AGBL4: variants seen among roughly 807,000 people sequenced by gnomAD.
AGBL4 encodes AGBL carboxypeptidase 4.
AGBL4 carries 58 observed loss-of-function variants against 66.4 expected under a neutral mutation model. The observed-to-expected ratio is 0.87, with a 90% CI of 0.71 to 1.09. AGBL4 has a LOEUF of 1.09. AGBL4 is among the 50% of genes least tolerant of loss of function. AGBL4 has a pLI of 0.00. For missense variants in AGBL4, 579 were observed against 631.0 expected (o/e 0.92, Z 0.88); for synonymous variants, 234 against 222.9 (o/e 1.05, Z -0.44).
At chr1:49,457,873 T>C (rs1646424917) in intron 3 of AGBL4, among the ~76,000 whole-genome samples, 1 of 151,778 alleles carries the variant, frequency 6.6e-6, no homozygotes, top group African/African-American at 2.4e-5. Context: ...TGACGGTAAG[T>C]ATTTGGTTTT....
intron 6 of AGBL4, among the ~76,000 whole-genome samples, chr1:48,774,152 T>C (rs1644966332): frequency 6.6e-6 from 1 of 152,198 alleles, no homozygotes; most frequent in Non-Finnish European, 1.5e-5. Flanking sequence ...GTCAGAGAGA[T>C]TAATTAATCA....
intron 3 of AGBL4, among the ~76,000 whole-genome samples, chr1:49,420,636 G>A (rs1326797335): frequency 1.3e-5 from 2 of 150,820 alleles, no homozygotes; most frequent in Admixed American, 1.3e-4. Flanking sequence ...AGGAAGTAGA[G>A]CTTGCCGTGA....
chr1:49,714,862 A>G (rs1304717657), intron 2 of AGBL4, among the ~76,000 whole-genome samples: 1 of 151,992 alleles, frequency 6.6e-6, no homozygotes, highest in East Asian at 1.9e-4. Context: ...ACTGTTTTCC[A>G]TAGAGATTGC....
At chr1:49,866,306 A>C (rs952453703) in intron 1 of AGBL4, among the ~76,000 whole-genome samples, 4 of 152,120 alleles carry the variant, frequency 2.6e-5, no homozygotes, top group Non-Finnish European at 5.9e-5. Flanking sequence ...ACACATAATC[A>C]TCAGATTCTC....
intron 4 of AGBL4, among the ~76,000 whole-genome samples, chr1:49,059,810 C>T (rs901799284): frequency 3.9e-5 from 6 of 152,148 alleles, no homozygotes; most frequent in Admixed American, 1.3e-4. Context: ...TGACGACCGA[C>T]CCTATTGGAT....
At chr1:48,526,224 A>G in the AGBL4 span, among the ~76,000 whole-genome samples, 2 of 152,146 alleles carry the variant, frequency 1.3e-5, no homozygotes, top group Non-Finnish European at 2.9e-5. Flanking sequence ...TATTTATTGT[A>G]TTGTCAGTCT....
intron 6 of AGBL4, among the ~76,000 whole-genome samples, chr1:48,765,978 G>A (rs1041909004): frequency 6.6e-6 from 1 of 152,120 alleles, no homozygotes; most frequent in African/African-American, 2.4e-5. Flanking sequence ...TGATAAAAAC[G>A]TTCCGGAATT....
At chr1:49,519,139 T>A (rs1191621012) in intron 3 of AGBL4, among the ~76,000 whole-genome samples, 1 of 152,108 alleles carries the variant, frequency 6.6e-6, no homozygotes, top group African/African-American at 2.4e-5. Flanking sequence ...TGATATGCCA[T>A]AGAAGATAGA....
intron 5 of AGBL4, among the ~76,000 whole-genome samples, chr1:48,939,176 G>A (rs1655730897): frequency 6.6e-6 from 1 of 152,186 alleles, no homozygotes; most frequent in African/African-American, 2.4e-5. Context: ...GTTTTTGTGT[G>A]ATTCATCAGT....
At chr1:49,395,566 T>G (rs553565728) in intron 3 of AGBL4, among the ~76,000 whole-genome samples, 3 of 140,288 alleles carry the variant, frequency 2.1e-5, no homozygotes, top group Non-Finnish European at 4.6e-5. Flanking sequence ...GTGTGTGTGA[T>G]ATTATATATA....
chr1:49,827,466 T>C (rs913596654), intron 2 of AGBL4, among the ~76,000 whole-genome samples: 2 of 152,206 alleles, frequency 1.3e-5, no homozygotes, highest in Non-Finnish European at 2.9e-5. Context: ...TTTGGAAAGC[T>C]GTCCATTTTA....
intron 1 of AGBL4, among the ~76,000 whole-genome samples, chr1:49,865,062 G>A (rs369428803): frequency 6.6e-6 from 1 of 152,304 alleles, no homozygotes; most frequent in East Asian, 1.9e-4. Context: ...CTGCTGAAAT[G>A]TCAGCAAGTC....
intron 4 of AGBL4, among the ~76,000 whole-genome samples, chr1:49,046,574 C>T (rs79321761): frequency 0.044 from 6,626 of 152,110 alleles, 182 homozygotes; most frequent in East Asian, 0.074. Flanking sequence ...TTGCATTTAC[C>T]CACTTTAAAG....
chr1:49,657,757 A>G (rs1646174851), intron 3 of AGBL4, among the ~76,000 whole-genome samples: 2 of 152,124 alleles, frequency 1.3e-5, no homozygotes, highest in Non-Finnish European at 2.9e-5. Flanking sequence ...AGCAATGGGG[A>G]AAGGATTCCC....
At chr1:49,227,878 A>G (rs1305223312) in intron 4 of AGBL4, among the ~76,000 whole-genome samples, 2 of 152,066 alleles carry the variant, frequency 1.3e-5, no homozygotes, top group African/African-American at 4.8e-5. Context: ...AGGAGCTTGG[A>G]GTTCCTGTTC....
intron 2 of AGBL4, among the ~76,000 whole-genome samples, chr1:49,808,215 A>G (rs1645017769): frequency 6.6e-6 from 1 of 151,962 alleles, no homozygotes; most frequent in African/African-American, 2.4e-5. Flanking sequence ...ATTTTTGGAA[A>G]CTCTCTTCCA....
intron 5 of AGBL4, among the ~76,000 whole-genome samples, chr1:48,891,628 A>T (rs1650983102): frequency 6.6e-6 from 1 of 152,208 alleles, no homozygotes; most frequent in Admixed American, 6.5e-5. Context: ...ATTTGCTTTC[A>T]AATAAGATAA....
At chr1:49,281,611 G>A (rs772404521) in intron 3 of AGBL4, among the ~76,000 whole-genome samples, 7 of 152,188 alleles carry the variant, frequency 4.6e-5, no homozygotes, top group Admixed American at 2.0e-4. Flanking sequence ...GTGGCAACAC[G>A]ATACTGTGAT....
Position 49,285,815 on chromosome 1 carries a change from C to T in AGBL4, c.283-39951G>A, listed in dbSNP as rs142781275. ...CCACACATACACTCTCCCTCTGAAA[C>T]TATTCCAATCAATAGAAAAAGAGGG... On this transcript the variant is annotated intron_variant, in intron 3 of 13. Transcript: ENST00000371839. 4.2e-4 allele frequency among the ~76,000 whole-genome samples: 64 copies of T among 152,220 alleles called. 2 individuals are homozygous for T. In the East Asian group the frequency reaches 9.7e-3, roughly 23 times the overall value.
Sources: gnomAD v4.1 joint callset for allele counts (sites outside exome capture counted in the v4.1 genomes callset) on GRCh38, gnomAD v4.1.1 for gene constraint, MANE v1.5 for transcripts, NCBI Gene and HGNC (gene_info 2026-07-23, HGNC 2026-07-21) for gene names.